The following CNTNAP2 variants were observed in gnomAD, a reference collection of about 807,000 sequenced individuals.
CNTNAP2 encodes the protein contactin associated protein 2, also known as contactin-associated protein-like 2.
Under a neutral mutation model 155.2 loss-of-function variants are expected in CNTNAP2, and 98 were observed. The observed-to-expected ratio is 0.63, with a 90% CI of 0.54 to 0.75. The LOEUF (loss-of-function observed/expected upper bound fraction) is 0.75. Ranked by LOEUF, CNTNAP2 falls within the 30% of genes least tolerant of loss-of-function variation. The pLI is 0.00. For missense variants in CNTNAP2, 1,727 were observed against 1,688.1 expected (o/e 1.02, Z -0.40); for synonymous variants, 651 against 631.2 (o/e 1.03, Z -0.47).
At chr7:146,407,090 G>A (rs957419695) in intron 1 of CNTNAP2, among the ~76,000 whole-genome samples, 1 of 152,176 alleles carries the variant, frequency 6.6e-6, no homozygotes, top group Admixed American at 6.5e-5. Context: ...CATCAGTAAT[G>A]TGAAGAAGGC....
Position 147,046,405 on chromosome 7 carries a change from A to G in CNTNAP2, c.550+2351A>G, listed in dbSNP as rs1247085096. ...TTACACTTGACTTCTTTAGTTACAA[A>G]TCATATTTCTGAGAATTATCTGTGC... On this transcript the variant is annotated intron_variant, in intron 4 of 23. Coordinates refer to ENST00000361727, the MANE Select transcript of CNTNAP2 (RefSeq NM_014141.6). Among the ~76,000 whole-genome samples the G allele has an allele frequency of 5.9e-5, 9 of 152,308 alleles. No homozygotes were observed. The East Asian group carries it at 1.7e-3, about 29-fold the overall frequency.
intron 1 of CNTNAP2, among the ~76,000 whole-genome samples, chr7:146,295,334 T>TTTTG (rs112380078): frequency 0.25 from 38,158 of 151,700 alleles, 12,383 homozygotes; most frequent in African/African-American, 0.76. Context: ...TTGTTTTGCT[T>TTTTG]TTTGTTTGTT....
In CNTNAP2 at chr7:146,163,488, T is replaced by C. The variant is rs561374754; in HGVS notation, c.97+46515T>C. Reference sequence around the variant, plus strand: ...TTATATATATCTATATATATCTATCTATATCTATATCTATATATCTATATA... The same window carrying C: ...TTATATATATCTATATATATCTATCCATATCTATATCTATATATCTATATA... On this transcript the variant is annotated intron_variant, in intron 1 of 23. Coordinates refer to ENST00000361727, the MANE Select transcript of CNTNAP2 (RefSeq NM_014141.6). 9.2e-5 allele frequency among the ~76,000 whole-genome samples: 12 copies of C among 130,558 alleles called. No individual in the cohort carries two copies. In the South Asian group the frequency reaches 2.9e-3, roughly 32 times the overall value. 85.7% of individuals were successfully genotyped at this position (130,558 alleles called of 152,430 possible).
intron 1 of CNTNAP2, among the ~76,000 whole-genome samples, chr7:146,224,193 T>A (rs1416789245): frequency 1.3e-5 from 2 of 152,148 alleles, no homozygotes; most frequent in Non-Finnish European, 2.9e-5. Context: ...TGTCAGACTT[T>A]CAGAAAACTT....
chr7:147,704,950 G>A (rs1796289114), intron 13 of CNTNAP2, among the ~76,000 whole-genome samples: 1 of 151,614 alleles, frequency 6.6e-6, no homozygotes, highest in East Asian at 1.9e-4. Context: ...TTTTATTTGG[G>A]TCTTCTTTAT....
rs548519076 is a variant in CNTNAP2 at position 147,110,695 on chromosome 7, G to A, written c.754+2345G>A. Among the ~76,000 whole-genome samples the A allele has an allele frequency of 1.2e-4, 18 of 152,252 alleles. 1 individual carries two copies. The highest frequency in any genetic ancestry group is 3.9e-4 in the African/African-American group (16 of 41,558). ...CCAGCTCCATCCATGTGCCCGCAAAGGACAGGATCTCATTCCTTTTTATGG... is the reference window on the plus strand; with the variant it reads ...CCAGCTCCATCCATGTGCCCGCAAAAGACAGGATCTCATTCCTTTTTATGG... On this transcript the variant is annotated intron_variant, in intron 5 of 23. Transcript: ENST00000361727.
chr7:146,369,281 C>A (rs1028665148), intron 1 of CNTNAP2, among the ~76,000 whole-genome samples: 1 of 151,904 alleles, frequency 6.6e-6, no homozygotes, highest in African/African-American at 2.4e-5. Flanking sequence ...CACAGGAAGT[C>A]ATCTTGTGGA....
At chr7:147,421,583 A>ATGTGTGTGTG (rs1331509521) in intron 10 of CNTNAP2, among the ~76,000 whole-genome samples, 4 of 47,142 alleles carry the variant, frequency 8.5e-5, no homozygotes, top group African/African-American at 4.8e-4. Context: ...TGTCTATCTA[A>ATGTGTGTGTG]TCTGTGTGTG....
intron 1 of CNTNAP2, among the ~76,000 whole-genome samples, chr7:146,760,416 T>TTTTTTTTTTTTTTTTTTTTTTTG: frequency 1.4e-5 from 1 of 73,868 alleles, no homozygotes; most frequent in Admixed American, 1.2e-4. Context: ...TACCTTTTTT[T>TTTTTTTTTTTTTTTTTTTTTTTG]TTTTTTTTTT....
chr7:146,193,483 T>A, intron 1 of CNTNAP2, among the ~76,000 whole-genome samples: 1 of 152,228 alleles, frequency 6.6e-6, no homozygotes, highest in East Asian at 1.9e-4. Context: ...CTGCCAAGAC[T>A]TGGGGCTTGC....
intron 10 of CNTNAP2, among the ~76,000 whole-genome samples, chr7:147,435,856 C>G (rs1797540468): frequency 6.6e-6 from 1 of 152,152 alleles, no homozygotes; most frequent in Admixed American, 6.5e-5. Context: ...CAAAATAACA[C>G]ACATAATGCA....
At chr7:147,716,920 C>T (rs747246988) in intron 13 of CNTNAP2, among the ~76,000 whole-genome samples, 4 of 152,062 alleles carry the variant, frequency 2.6e-5, no homozygotes, top group African/African-American at 7.2e-5. Flanking sequence ...AAAACTAACC[C>T]GGTGCTCAGC....
chr7:146,618,227 C>T (rs1012941499), intron 1 of CNTNAP2, among the ~76,000 whole-genome samples: 3 of 152,018 alleles, frequency 2.0e-5, no homozygotes, highest in Non-Finnish European at 4.4e-5. Context: ...TTGAGAGAAG[C>T]TTGAAAAGGA....
intron 2 of CNTNAP2, among the ~76,000 whole-genome samples, chr7:146,819,813 G>T (rs1395833744): frequency 6.6e-6 from 1 of 152,048 alleles, no homozygotes; most frequent in Non-Finnish European, 1.5e-5. Flanking sequence ...AGTCAGCCTT[G>T]ATTCCTTCTT....
intron 1 of CNTNAP2, among the ~76,000 whole-genome samples, chr7:146,614,636 C>T (rs967032241): frequency 2.0e-5 from 3 of 152,152 alleles, no homozygotes; most frequent in African/African-American, 7.2e-5. Flanking sequence ...GTAGTCTTGT[C>T]AAATGTTGTG....
chr7:147,697,439 C>A (rs1226340258), intron 13 of CNTNAP2, among the ~76,000 whole-genome samples: 1 of 152,026 alleles, frequency 6.6e-6, no homozygotes, highest in African/African-American at 2.4e-5. Context: ...TTTATTAATG[C>A]AGCGATAAGT....
chr7:148,187,147 C>A (rs2972101), intron 18 of CNTNAP2, among the ~76,000 whole-genome samples: 22,576 of 67,056 alleles, frequency 0.34, 2,819 homozygotes, highest in East Asian at 0.42. Context: ...CACACACACA[C>A]AAACAGAGCC....
intron 4 of CNTNAP2, among the ~76,000 whole-genome samples, chr7:147,065,938 G>T (rs1367150696): frequency 6.6e-6 from 1 of 152,088 alleles, no homozygotes; most frequent in Admixed American, 6.6e-5. Flanking sequence ...TTCTCATGAA[G>T]TTGACTCATA....
chr7:146,689,175 G>GT (rs1800655232), intron 1 of CNTNAP2, among the ~76,000 whole-genome samples: 1 of 151,896 alleles, frequency 6.6e-6, no homozygotes, highest in African/African-American at 2.4e-5. Context: ...ATTTCACAAG[G>GT]TTACTCGGGT....
Sources: gnomAD v4.1 joint callset for allele counts (sites outside exome capture counted in the v4.1 genomes callset) on GRCh38, gnomAD v4.1.1 for gene constraint, MANE v1.5 for transcripts, NCBI Gene and HGNC (gene_info 2026-07-23, HGNC 2026-07-21) for gene names.